Variants in ADAMTS12 observed in about 807,000 individuals in gnomAD.
ADAMTS12 encodes the protein A disintegrin and metalloproteinase with thrombospondin motifs 12.
In ADAMTS12, 118 loss-of-function variants were observed where a neutral mutation model predicts 167.8. The ratio of observed to expected loss-of-function variants is 0.70; its 90% CI spans 0.61 to 0.82. ADAMTS12 has a LOEUF of 0.82. Ranked by LOEUF, ADAMTS12 falls within the 40% of genes least tolerant of loss-of-function variation. The pLI, the probability that ADAMTS12 is intolerant of heterozygous loss-of-function variation, is 0.00. For synonymous variants in ADAMTS12, 704 were observed against 716.9 expected (o/e 0.98, Z 0.29); for missense variants, 1,916 against 1,998.8 (o/e 0.96, Z 0.79).
At chr5:33,712,491 T>C (rs1743437616) in intron 3 of ADAMTS12, among the ~76,000 whole-genome samples, 1 of 152,106 alleles carries the variant, frequency 6.6e-6, no homozygotes, top group Non-Finnish European at 1.5e-5. Flanking sequence ...TGCAGCAGAT[T>C]TATCTCTTGC....
At chr5:33,593,092 C>G (rs1342277780) in intron 17 of ADAMTS12, among the ~76,000 whole-genome samples, 3 of 152,140 alleles carry the variant, frequency 2.0e-5, no homozygotes, top group Non-Finnish European at 4.4e-5. Context: ...GCCTGGCCAA[C>G]ATGGTGAAAC....
intron 22 of ADAMTS12, among the ~76,000 whole-genome samples, chr5:33,541,058 C>G (rs768409129): frequency 2.6e-5 from 4 of 152,148 alleles, no homozygotes; most frequent in Non-Finnish European, 5.9e-5. Context: ...CATGTTCTAA[C>G]CCATCAGAAG....
At position 33,822,433 on chromosome 5, in the gene ADAMTS12, C is replaced by T. The variant is rs1428134460; in HGVS notation, c.489+58686G>A. ...ACTTTTTATTGGGCCTCAGTTTCCT[C>T]ATCTGCAAATGAGGAAATTGGGTTA... On this transcript the variant is annotated intron_variant, in intron 2 of 23. Coordinates refer to ENST00000504830, the MANE Select transcript of ADAMTS12 (RefSeq NM_030955.4). 4.6e-5 allele frequency among the ~76,000 whole-genome samples: 7 copies of T among 152,210 alleles called. No homozygotes were observed. In the South Asian group the frequency reaches 1.2e-3, roughly 27 times the overall value.
chr5:33,534,777 G>T, intron 23 of ADAMTS12, 56 bp downstream of exon 23: 2 of 1,554,232 alleles, frequency 1.3e-6, no homozygotes, highest in Non-Finnish European at 8.7e-7. Context: ...GTTGTATCAT[G>T]CAGGATGACA....
chr5:33,824,307 C>G (rs1255987621), intron 2 of ADAMTS12, among the ~76,000 whole-genome samples: 1 of 152,124 alleles, frequency 6.6e-6, no homozygotes, highest in Non-Finnish European at 1.5e-5. Context: ...AAGACGGGAA[C>G]AGAAAGGGGG....
intron 5 of ADAMTS12, among the ~76,000 whole-genome samples, chr5:33,663,856 A>T (rs1741371734): frequency 6.6e-6 from 1 of 152,192 alleles, no homozygotes; most frequent in African/African-American, 2.4e-5. Context: ...CTTAGAGAAC[A>T]CTCATTAATT....
At chr5:33,860,231 G>C (rs147424644) in intron 2 of ADAMTS12, among the ~76,000 whole-genome samples, 3,904 of 152,188 alleles carry the variant, frequency 0.026, 98 homozygotes, top group Admixed American at 0.035. Context: ...AAAGGAGCAT[G>C]TTCTAACCCA....
In ADAMTS12 at chr5:33,724,564, T is replaced by A. The variant is rs79334926; in HGVS notation, c.634+26840A>T. 2.6e-4 allele frequency among the ~76,000 whole-genome samples: 39 copies of A among 150,534 alleles called. 1 individual carries two copies. Among genetic ancestry groups the A allele is most frequent in the Admixed American group, 2.6e-3 (39 of 15,124 alleles). ...CAGCTTCTTTTTTTTTTTTTTTTTT[T>A]AATTTGAGATGGAGTCTCGCTCTTT... On this transcript the variant is annotated intron_variant, in intron 3 of 23. Transcript: ENST00000504830.
intron 16 of ADAMTS12, among the ~76,000 whole-genome samples, chr5:33,602,479 A>T (rs1738237617): frequency 6.6e-6 from 1 of 152,220 alleles, no homozygotes; most frequent in Non-Finnish European, 1.5e-5. Context: ...TATCTTTATG[A>T]AGTCCTACAT....
At chr5:33,784,678 C>T (rs966152303) in intron 2 of ADAMTS12, among the ~76,000 whole-genome samples, 14 of 151,694 alleles carry the variant, frequency 9.2e-5, no homozygotes, top group South Asian at 4.2e-4. Context: ...AAAACATTAC[C>T]GAGATCAACT....
At chr5:33,722,025 T>C (rs1281012908) in intron 3 of ADAMTS12, among the ~76,000 whole-genome samples, 1 of 152,210 alleles carries the variant, frequency 6.6e-6, no homozygotes, top group East Asian at 1.9e-4. Flanking sequence ...GCTTCTTCCT[T>C]ATTCTGGCTT....
At chr5:33,863,497 G>A (rs551126504) in intron 2 of ADAMTS12, among the ~76,000 whole-genome samples, 1 of 152,230 alleles carries the variant, frequency 6.6e-6, no homozygotes, top group Admixed American at 6.5e-5. Context: ...GAATGTAAAT[G>A]ACCTCTTCAA....
Position 33,769,303 on chromosome 5 carries a change from G to A in ADAMTS12, c.490-17755C>T, listed in dbSNP as rs544927867. Reference sequence around the variant, plus strand: ...CAGAACTGTAAGATAGTAAGTTTGCGTTGTTTGAAACCCCACAGCTAAAGC... The same window carrying A: ...CAGAACTGTAAGATAGTAAGTTTGCATTGTTTGAAACCCCACAGCTAAAGC... On this transcript the variant is annotated intron_variant, in intron 2 of 23. Transcript: ENST00000504830. Among the ~76,000 whole-genome samples, 42 of 152,178 alleles carry A rather than the reference G, an allele frequency of 2.8e-4. No individual in the cohort carries two copies. In the East Asian group the frequency reaches 5.2e-3, roughly 19 times the overall value.
chr5:33,787,707 G>T (rs941628385), intron 2 of ADAMTS12, among the ~76,000 whole-genome samples: 2 of 152,160 alleles, frequency 1.3e-5, no homozygotes, highest in African/African-American at 4.8e-5. Flanking sequence ...CACACCAGCT[G>T]CCCACATCCC....
chr5:33,696,687 T>C lies in ADAMTS12; in HGVS notation c.635-12632A>G, dbSNP rs140225475. The stretch of plus-strand genomic sequence containing the variant: ...CAAAGGAAGGGAAGTAAGTCTGCAC[T>C]GGGAGGCTGCTTCCAAGATTAGAAA... On this transcript the variant is annotated intron_variant, in intron 3 of 23. Coordinates refer to ENST00000504830, the MANE Select transcript of ADAMTS12 (RefSeq NM_030955.4). Among the ~76,000 whole-genome samples the C allele has an allele frequency of 4.3e-3, 655 of 152,268 alleles. 5 individuals carry two copies. Among genetic ancestry groups the C allele is most frequent in the Admixed American group, 7.1e-3 (108 of 15,288 alleles).
intron 18 of ADAMTS12, among the ~76,000 whole-genome samples, chr5:33,582,406 C>T (rs964137229): frequency 2.6e-5 from 4 of 152,168 alleles, no homozygotes; most frequent in Non-Finnish European, 4.4e-5. Context: ...AGAGGGTCAG[C>T]GACTCTCAAA....
chr5:33,730,679 T>C (rs939121592), intron 3 of ADAMTS12, among the ~76,000 whole-genome samples: 3 of 152,212 alleles, frequency 2.0e-5, no homozygotes, highest in African/African-American at 7.2e-5. Flanking sequence ...GAAAGATTCA[T>C]CCTTCACTTA....
intron 16 of ADAMTS12, among the ~76,000 whole-genome samples, chr5:33,609,384 T>TC (rs1287783903): frequency 4.1e-5 from 6 of 147,344 alleles, no homozygotes; most frequent in African/African-American, 1.5e-4. Flanking sequence ...TTTTTTTTTT[T>TC]TTTGGAGAGA....
intron 3 of ADAMTS12, among the ~76,000 whole-genome samples, chr5:33,694,456 C>A (rs1742678489): frequency 6.6e-6 from 1 of 151,764 alleles, no homozygotes. Flanking sequence ...GGGAAACAAG[C>A]AAAATCAAGG....
Sources: allele counts gnomAD v4.1 joint callset (sites outside exome capture counted in the v4.1 genomes callset), GRCh38; gene constraint gnomAD v4.1.1; transcripts MANE v1.5; gene names NCBI Gene and HGNC (gene_info 2026-07-23, HGNC 2026-07-21).